The following MAGI1 variants were observed in gnomAD, a reference collection of about 807,000 sequenced individuals.
MAGI1 encodes the protein membrane-associated guanylate kinase, WW and PDZ domain-containing protein 1.
A neutral mutation model predicts 139.9 loss-of-function variants in MAGI1; 58 were observed. The ratio of observed to expected loss-of-function variants is 0.41; its 90% confidence interval spans 0.34 to 0.52. The LOEUF (loss-of-function observed/expected upper bound fraction) is 0.52, where lower values mean the gene tolerates loss of function less well. Among genes scored for constraint, MAGI1 ranks in the 20% least tolerant of loss-of-function variants. MAGI1 has a pLI of 0.12. For synonymous variants in MAGI1, 812 were observed against 737.9 expected, an observed-to-expected ratio of 1.10 and a Z score of -1.63; for missense variants, 1,874 against 1,901.6, an observed-to-expected ratio of 0.99 and a Z score of 0.27.
intron 1 of MAGI1, among the ~76,000 whole-genome samples, chr3:65,657,991 T>G (rs549416957): frequency 6.6e-6 from 1 of 152,332 alleles, no homozygotes; most frequent in South Asian, 2.1e-4. Context: ...ATGTCTGGTA[T>G]AATTACCAAT....
intron 2 of MAGI1, chr3:65,620,009 TTCCTACATAG>T: frequency 2.0e-6 from 2 of 985,288 alleles, no homozygotes; most frequent in Non-Finnish European, 2.4e-6. Flanking sequence ...TTTGCCCCAA[TTCCTACATAG>T]TGGTAAGCTT....
intron 1 of MAGI1, among the ~76,000 whole-genome samples, chr3:65,970,257 A>C (rs1324304860): frequency 6.6e-6 from 1 of 152,200 alleles, no homozygotes; most frequent in East Asian, 1.9e-4. Context: ...CAAATACTCT[A>C]TGAGTCCACT....
At chr3:65,862,970 C>T (rs2059604094) in intron 1 of MAGI1, among the ~76,000 whole-genome samples, 1 of 152,202 alleles carries the variant, frequency 6.6e-6, no homozygotes, top group Non-Finnish European at 1.5e-5. Context: ...ACCTCCCTAG[C>T]ATGGCATTCA....
intron 2 of MAGI1, among the ~76,000 whole-genome samples, chr3:65,550,010 G>T (rs186180213): frequency 2.5e-3 from 388 of 152,248 alleles, no homozygotes; most frequent in African/African-American, 8.3e-3. Flanking sequence ...TTAAAAGCCT[G>T]TGTGTTCTGG....
At chr3:65,862,469 T>A (rs1380505736) in intron 1 of MAGI1, among the ~76,000 whole-genome samples, 1 of 152,182 alleles carries the variant, frequency 6.6e-6, no homozygotes, top group African/African-American at 2.4e-5. Flanking sequence ...ATCATCACAA[T>A]TAATTTGCCA....
intron 17 of MAGI1, among the ~76,000 whole-genome samples, chr3:65,377,278 G>A (rs1942627617): frequency 6.6e-6 from 1 of 152,176 alleles, no homozygotes; most frequent in Admixed American, 6.5e-5. Flanking sequence ...AGGTGTGCTG[G>A]AATGCTCCCA....
At chr3:65,705,631 C>G (rs1484843456) in intron 1 of MAGI1, among the ~76,000 whole-genome samples, 1 of 152,186 alleles carries the variant, frequency 6.6e-6, no homozygotes, top group African/African-American at 2.4e-5. Context: ...TTGAATAATT[C>G]TCAAAAGCTA....
At chr3:65,387,681 T>C (rs1299026204) in intron 14 of MAGI1, among the ~76,000 whole-genome samples, 7 of 152,230 alleles carry the variant, frequency 4.6e-5, no homozygotes, top group African/African-American at 1.7e-4. Context: ...ATTCTAAGCA[T>C]TTCAAGCCAG....
At chr3:65,450,373 GA>G (rs1408474995) in intron 6 of MAGI1, among the ~76,000 whole-genome samples, 1 of 152,096 alleles carries the variant, frequency 6.6e-6, no homozygotes, top group South Asian at 2.1e-4. Context: ...AAGATGCGGT[GA>G]AAAAAATAGT....
intron 3 of MAGI1, among the ~76,000 whole-genome samples, chr3:65,485,415 T>G (rs1314148309): frequency 6.6e-6 from 1 of 152,156 alleles, no homozygotes; most frequent in African/African-American, 2.4e-5. Context: ...CGACCCTGAG[T>G]GAGGTAAGGG....
chr3:65,644,546 T>C (rs1196009551), intron 1 of MAGI1, among the ~76,000 whole-genome samples: 2 of 151,408 alleles, frequency 1.3e-5, no homozygotes, highest in Admixed American at 6.6e-5. Flanking sequence ...AGTGACAGAG[T>C]AAGCCCTGTT....
intron 2 of MAGI1, among the ~76,000 whole-genome samples, chr3:65,613,381 T>C (rs1280149135): frequency 1.3e-5 from 2 of 152,168 alleles, no homozygotes; most frequent in Admixed American, 1.3e-4. Context: ...TCTAACATGT[T>C]TTCACAAGAA....
At position 65,626,957 on chromosome 3, in the gene MAGI1, CA is replaced by C. The variant is rs1193162007; in HGVS notation, c.314-4870del. On this transcript the variant is annotated intron_variant, in intron 1 of 22. Coordinates refer to ENST00000402939, the MANE Select transcript of MAGI1 (RefSeq NM_001033057.2). ...TAAAATAAGTTGGAAGACAGTTTGT[CA>C]TAGCATCTTCACTTTCTTTGAAATT... 2.0e-5 allele frequency among the ~76,000 whole-genome samples: 3 copies of C among 152,146 alleles called. No homozygotes were observed. The East Asian group carries it at 5.8e-4, about 29-fold the overall frequency.
At chr3:65,762,057 T>C (rs9311957) in intron 1 of MAGI1, among the ~76,000 whole-genome samples, 2,997 of 151,228 alleles carry the variant, frequency 0.02, 94 homozygotes, top group African/African-American at 0.069. Context: ...AGGGTGGGGG[T>C]GGGAACTGCC....
At position 65,815,221 on chromosome 3, in the gene MAGI1, C is replaced by T. The variant is rs1011829478; in HGVS notation, c.314-193133G>A. Among the ~76,000 whole-genome samples, 4 of 152,166 alleles carry T rather than the reference C, an allele frequency of 2.6e-5. 1 individual carries two copies. The highest frequency in any genetic ancestry group is 2.6e-4 in the Admixed American group (4 of 15,264). On this transcript the variant is annotated intron_variant, in intron 1 of 22. Transcript: ENST00000402939. ...TCAAAAAGTCTGACAATTCTGGGGC[C>T]CATGATCTGGGAATGAAATATCTGT... is the stretch of plus-strand genomic sequence containing the variant.
At chr3:65,599,245 C>G (rs79447994) in intron 2 of MAGI1, among the ~76,000 whole-genome samples, 1 of 152,192 alleles carries the variant, frequency 6.6e-6, no homozygotes, top group African/African-American at 2.4e-5. Context: ...GCAGGCTTTA[C>G]GGGTGCGGGA....
chr3:65,458,872 T>G (rs1404665815), intron 5 of MAGI1, among the ~76,000 whole-genome samples: 1 of 152,306 alleles, frequency 6.6e-6, no homozygotes, highest in Admixed American at 6.5e-5. Flanking sequence ...CAAGAAATCT[T>G]TGCCCACTCT....
chr3:65,962,122 ATTTTTTTTTT>A (rs567359350), intron 1 of MAGI1, among the ~76,000 whole-genome samples: 22 of 122,528 alleles, frequency 1.8e-4, no homozygotes, highest in Non-Finnish European at 2.7e-4. Context: ...ATCTGATTGT[ATTTTTTTTTT>A]TTTTTTTTTT....
chr3:65,731,952 C>A (rs1208893537), intron 1 of MAGI1, among the ~76,000 whole-genome samples: 1 of 152,160 alleles, frequency 6.6e-6, no homozygotes, highest in African/African-American at 2.4e-5. Flanking sequence ...GAGTTGATTA[C>A]TTGTGGTTCT....
Sources: allele counts gnomAD v4.1 joint callset (sites outside exome capture counted in the v4.1 genomes callset), GRCh38; gene constraint gnomAD v4.1.1; transcripts MANE v1.5; gene names NCBI Gene and HGNC (gene_info 2026-07-23, HGNC 2026-07-21).